CAMKMT: variants seen among roughly 807,000 people sequenced by gnomAD.
The protein encoded by CAMKMT is CaM KMT.
Under a neutral mutation model 48.0 loss-of-function variants are expected in CAMKMT, and 53 were observed. That is an observed-to-expected ratio of 1.10 (90% CI 0.89 to 1.39). The LOEUF is 1.39. CAMKMT is among the 40% of genes most tolerant of loss of function. The pLI is 0.00. For missense variants in CAMKMT, 428 were observed against 402.7 expected (o/e 1.06, Z -0.54); for synonymous variants, 165 against 152.3 (o/e 1.08, Z -0.61).
chr2:44,706,644 A>G (rs189052255), intron 5 of CAMKMT, among the ~76,000 whole-genome samples: 392 of 144,298 alleles, frequency 2.7e-3, no homozygotes, highest in African/African-American at 9.2e-3. Flanking sequence ...TTATAGTCCC[A>G]TTTGCTAAGA....
At chr2:44,505,731 G>GT (rs1413726117) in intron 3 of CAMKMT, among the ~76,000 whole-genome samples, 1 of 152,158 alleles carries the variant, frequency 6.6e-6, no homozygotes, top group Non-Finnish European at 1.5e-5. Flanking sequence ...AAATCCATGT[G>GT]TAAGTGGACC....
At position 44,703,739 on chromosome 2, in the gene CAMKMT, C is replaced by G. The variant is rs1677385228; in HGVS notation, c.377-544C>G. On this transcript the variant is annotated intron_variant, in intron 3 of 10. Coordinates refer to ENST00000378494, the MANE Select transcript of CAMKMT (RefSeq NM_024766.5). ...TTTACAGTGAGCTGAGATCTCGCCACTGCACTCCAGCCTGGCGACAGAGCA... is the reference window on the plus strand; with the variant it reads ...TTTACAGTGAGCTGAGATCTCGCCAGTGCACTCCAGCCTGGCGACAGAGCA... Among the ~76,000 whole-genome samples, 3 of 141,176 alleles carry G rather than the reference C, an allele frequency of 2.1e-5. No individual in the cohort carries two copies. In the South Asian group the frequency reaches 6.7e-4, roughly 32 times the overall value. 92.6% of individuals were successfully genotyped at this position (141,176 alleles called of 152,430 possible).
chr2:44,529,113 T>C (rs919438000), intron 3 of CAMKMT, among the ~76,000 whole-genome samples: 1 of 152,218 alleles, frequency 6.6e-6, no homozygotes, highest in African/African-American at 2.4e-5. Flanking sequence ...GCTTGATTTC[T>C]TTCCCTTTAA....
intron 3 of CAMKMT, among the ~76,000 whole-genome samples, chr2:44,544,502 G>A (rs1572760949): frequency 6.6e-6 from 1 of 152,180 alleles, no homozygotes; most frequent in Admixed American, 6.5e-5. Context: ...AACTGCCTAA[G>A]GCTGCAACTG....
chr2:44,545,657 G>A lies in CAMKMT; in HGVS notation c.376+155352G>A, dbSNP rs540275618. Among the ~76,000 whole-genome samples the A allele has an allele frequency of 2.3e-4, 34 of 148,648 alleles. No homozygotes were observed. The South Asian group carries it at 6.4e-3, about 28-fold the overall frequency. On this transcript the variant is annotated intron_variant, in intron 3 of 10. Transcript: ENST00000378494. ...GGCAGAGTAAGGATTAGAAGAATCC[G>A]GTGTTCTAACTTCTAGACTCGGTCT...
intron 3 of CAMKMT, among the ~76,000 whole-genome samples, chr2:44,628,118 T>TA (rs1672599247): frequency 6.6e-6 from 1 of 152,186 alleles, no homozygotes; most frequent in South Asian, 2.1e-4. Context: ...GGCTAATTTT[T>TA]AAATTTTTTT....
intron 3 of CAMKMT, among the ~76,000 whole-genome samples, chr2:44,693,633 G>A (rs946672994): frequency 1.3e-5 from 2 of 152,180 alleles, no homozygotes; most frequent in Non-Finnish European, 2.9e-5. Context: ...ATAAATATTT[G>A]AGGAGCATTC....
intron 3 of CAMKMT, among the ~76,000 whole-genome samples, chr2:44,429,287 GTGT>G (rs1162542376): frequency 2.0e-5 from 3 of 150,096 alleles, no homozygotes; most frequent in African/African-American, 4.9e-5. Flanking sequence ...ATGTGTGTGT[GTGT>G]GTGTGTGTGT....
intron 7 of CAMKMT, among the ~76,000 whole-genome samples, chr2:44,719,183 G>T (rs1466508780): frequency 6.6e-6 from 1 of 152,016 alleles, no homozygotes; most frequent in African/African-American, 2.4e-5. Context: ...TCTAGTCTTT[G>T]CCATTCTTGT....
intron 3 of CAMKMT, among the ~76,000 whole-genome samples, chr2:44,455,943 A>T (rs574228764): frequency 4.6e-5 from 7 of 152,294 alleles, no homozygotes; most frequent in Admixed American, 1.3e-4. Context: ...ATTCAATTCC[A>T]TTTGGTTAAT....
chr2:44,426,048 G>A (rs1003319504), intron 3 of CAMKMT, among the ~76,000 whole-genome samples: 15 of 152,048 alleles, frequency 9.9e-5, no homozygotes, highest in African/African-American at 3.4e-4. Flanking sequence ...TATCTTTTAA[G>A]CAGAAAACTT....
intron 3 of CAMKMT, among the ~76,000 whole-genome samples, chr2:44,420,133 A>G (rs552772465): frequency 6.6e-6 from 1 of 152,328 alleles, no homozygotes; most frequent in Non-Finnish European, 1.5e-5. Context: ...TGTGAGTTTA[A>G]TAATAGGATA....
intron 3 of CAMKMT, among the ~76,000 whole-genome samples, chr2:44,438,091 C>T (rs1378042304): frequency 6.6e-6 from 1 of 152,110 alleles, no homozygotes. Flanking sequence ...CTTATAGCCG[C>T]ATGAGAAAAC....
At position 44,593,316 on chromosome 2, in the gene CAMKMT, G is replaced by A. The variant is rs112285762; in HGVS notation, c.377-110967G>A. 2.1e-3 allele frequency among the ~76,000 whole-genome samples: 315 copies of A among 152,222 alleles called. 1 individual carries two copies. In the Middle Eastern group the frequency reaches 0.024, roughly 12 times the overall value. On this transcript the variant is annotated intron_variant, in intron 3 of 10. Coordinates refer to ENST00000378494, the MANE Select transcript of CAMKMT (RefSeq NM_024766.5). ...AATCCTTTCTGATAGGTCTTTCCCT[G>A]GCCTCCTGTAGTTTTCTCAGATACA... is the stretch of plus-strand genomic sequence containing the variant.
At chr2:44,729,388 T>TA (rs1438215845) in intron 7 of CAMKMT, among the ~76,000 whole-genome samples, 2 of 151,948 alleles carry the variant, frequency 1.3e-5, no homozygotes. Flanking sequence ...TCAGGAGTAG[T>TA]AAAAAGAGCC....
chr2:44,476,353 T>C (rs996302823), intron 3 of CAMKMT, among the ~76,000 whole-genome samples: 1 of 152,168 alleles, frequency 6.6e-6, no homozygotes, highest in Non-Finnish European at 1.5e-5. Flanking sequence ...TATCAATATG[T>C]GGTCCTTCTA....
chr2:44,363,672 G>A (rs1347278750), intron 1 of CAMKMT, among the ~76,000 whole-genome samples: 1 of 147,730 alleles, frequency 6.8e-6, no homozygotes, highest in Non-Finnish European at 1.5e-5. Flanking sequence ...GAGCCACCGT[G>A]CCCGGCAACC....
chr2:44,483,929 A>AT (rs1289816058), intron 3 of CAMKMT, among the ~76,000 whole-genome samples: 1 of 152,174 alleles, frequency 6.6e-6, no homozygotes, highest in East Asian at 1.9e-4. Flanking sequence ...AGTCTGAATA[A>AT]TTGACTCTTT....
Position 44,396,338 on chromosome 2 carries a change from AT to A in CAMKMT, c.376+6036del, listed in dbSNP as rs775909288. Among the ~76,000 whole-genome samples the A allele has an allele frequency of 1.2e-4, 18 of 152,272 alleles. No individual in the cohort carries two copies. The South Asian group carries it at 1.4e-3, about 12-fold the overall frequency. ...TACAAATTACACACTGGCAATTATT[AT>A]TTATGACATATATTCAGATGAAGAT... On this transcript the variant is annotated intron_variant, in intron 3 of 10. Transcript: ENST00000378494.
Sources: gnomAD v4.1 joint callset for allele counts (sites outside exome capture counted in the v4.1 genomes callset) on GRCh38, gnomAD v4.1.1 for gene constraint, MANE v1.5 for transcripts, NCBI Gene and HGNC (gene_info 2026-07-23, HGNC 2026-07-21) for gene names.